OR1C1: variants seen among roughly 807,000 people sequenced by gnomAD.
The protein encoded by OR1C1 is olfactory receptor family 1 subfamily C member 1, also known as olfactory receptor 1C1.
For missense variants in OR1C1, 407 were observed against 384.3 expected (o/e 1.06, Z -0.49); for synonymous variants, 153 against 154.6 (o/e 0.99, Z 0.08).
Position 247,755,790 on chromosome 1 carries a change from G to C in OR1C1, c.*1672C>G, listed in dbSNP as rs1162387029. On this transcript the variant is annotated 3_prime_UTR_variant, in exon 2 of 2. Transcript: ENST00000641256. ...AAAAATAGAACTACTGTACGATCCA[G>C]CAATCACTATTGGGTATACATCCAA... 2 of 152,144 alleles carry C rather than the reference G, an allele frequency of 1.3e-5. No individual in the cohort carries two copies. The highest frequency in any genetic ancestry group is 3.9e-4 in the East Asian group (2 of 5,194). The allele number at this position is 152,144 out of a possible 1,614,324, so 9.4% of individuals were successfully genotyped here. A position where few individuals can be genotyped will look rare whatever the true frequency, so the allele number is the denominator to read the frequency against.
At chr1:247,758,998 A>G (rs1661284735) in intron 1 of OR1C1, among the ~76,000 whole-genome samples, 1 of 151,962 alleles carries the variant, frequency 6.6e-6, no homozygotes, top group African/African-American at 2.4e-5. Context: ...GGAGCCTCTG[A>G]CTTGTGTAGT....
At position 247,755,258 on chromosome 1, in the gene OR1C1, T is replaced by C. The variant is rs1176801134; in HGVS notation, c.*2204A>G. 2 of 152,136 alleles carry C rather than the reference T, an allele frequency of 1.3e-5. No homozygotes were observed. Among genetic ancestry groups the C allele is most frequent in the African/African-American group, 4.8e-5 (2 of 41,454 alleles). The allele number at this position is 152,136 out of a possible 1,614,324, so 9.4% of individuals were successfully genotyped here. A position where few individuals can be genotyped will look rare whatever the true frequency, so the allele number is the denominator to read the frequency against. ...AGCTCTATGACATTGGTATGCATGATAATCTTTTAGATATGACTCCCACAA... is the reference window on the plus strand; with the variant it reads ...AGCTCTATGACATTGGTATGCATGACAATCTTTTAGATATGACTCCCACAA... On this transcript the variant is annotated 3_prime_UTR_variant, in exon 2 of 2. Coordinates refer to ENST00000641256, the MANE Select transcript of OR1C1 (RefSeq NM_012353.3).
Position 247,757,406 on chromosome 1 carries a change from C to T in OR1C1, c.*56G>A. The stretch of plus-strand genomic sequence containing the variant: ...CTCTTCTCACTGTTATTGTGAGCAT[C>T]TAGTCACACTTTCTTATCACCACAT... On this transcript the variant is annotated 3_prime_UTR_variant, in exon 2 of 2. Coordinates refer to ENST00000641256, the MANE Select transcript of OR1C1 (RefSeq NM_012353.3). 1.5e-6 allele frequency: 2 copies of T among 1,323,728 alleles called. No homozygotes were observed. Among genetic ancestry groups the T allele is most frequent in the Non-Finnish European group, 2.1e-6 (2 of 941,838 alleles). 82.0% of individuals were successfully genotyped at this position (1,323,728 alleles called of 1,614,324 possible).
In OR1C1 at chr1:247,757,541, A is replaced by T. The variant is rs761633943; in HGVS notation, c.866T>A (p.Ile289Asn). ...SMVAPMLNPFIYTLRNRDMKR... is the reference protein window; with the variant it reads ...SMVAPMLNPFNYTLRNRDMKR... ...CATATCCCTGTTCCTTAGGGTATAG[A>T]TGAAAGGATTCAGCATCGGAGCCAC... Residue 289 changes from isoleucine to asparagine, a missense_variant, in exon 2 of 2, where the codon ATC (isoleucine) becomes AAC (asparagine). Ile to Asn is a moderately radical substitution (Grantham distance 149, BLOSUM62 -3). Transcript: ENST00000641256. 1.3e-5 allele frequency: 21 copies of T among 1,613,940 alleles called. No individual in the cohort carries two copies. Among genetic ancestry groups the T allele is most frequent in the Non-Finnish European group, 1.8e-5 (21 of 1,180,018 alleles).
rs1661217492 is a variant in OR1C1 at position 247,756,842 on chromosome 1, T to C, written c.*620A>G. The C allele has an allele frequency of 6.6e-6, 1 of 152,346 alleles. No individual in the cohort carries two copies. The highest frequency in any genetic ancestry group is 2.1e-4 in the South Asian group (1 of 4,832). 9.4% of individuals were successfully genotyped at this position (152,346 alleles called of 1,614,324 possible). A position where few individuals can be genotyped will look rare whatever the true frequency, so the allele number is the denominator to read the frequency against. Reference sequence around the variant, plus strand: ...TTGTTGGGGGAGATCAGTTAGCCTCTGCCCTATAAAGATGGCTGGGAGATT... The same window carrying C: ...TTGTTGGGGGAGATCAGTTAGCCTCCGCCCTATAAAGATGGCTGGGAGATT... On this transcript the variant is annotated 3_prime_UTR_variant, in exon 2 of 2. Coordinates refer to ENST00000641256, the MANE Select transcript of OR1C1 (RefSeq NM_012353.3). This position sits in a 1 kb window ranked among gnomAD's most constrained non-coding sequence, Gnocchi z 4.3.
At chr1:247,760,341 A>G (rs1241317684) in intron 1 of OR1C1, 71 bp downstream of exon 1, 2 of 152,198 alleles carry the variant, frequency 1.3e-5, no homozygotes, top group Non-Finnish European at 2.9e-5. Flanking sequence ...ACTTCCATGC[A>G]TTACAACTCA....
rs780826728 is a variant in OR1C1 at position 247,757,982 on chromosome 1, A to G, written c.425T>C (p.Val142Ala). 9 of 1,613,964 alleles carry G rather than the reference A, an allele frequency of 5.6e-6. No individual in the cohort carries two copies. The African/African-American group carries it at 6.7e-5, about 12-fold the overall frequency. The part of the protein sequence containing the change: ...YTARMNLCLC[V>A]QLVAGLWLVT... ...AAGCCACAGTCCAGCCACTAGCTGG[A>G]CACAAAGGCACAGGTTCATTCTGGC... Residue 142 changes from valine (V) to alanine (A), a missense_variant, in exon 2 of 2, where the codon GTC becomes GCC. By Grantham distance (64) the Val-to-Ala change is moderately conservative. Coordinates refer to ENST00000641256, the MANE Select transcript of OR1C1 (RefSeq NM_012353.3).
rs978487990 is a variant in OR1C1, at chr1:247,755,447, A to G, written c.*2015T>C. ...ATATTCAAAGTATATAAGGAGTTCA[A>G]ATAACTCAGTAGCAAAAAACTGCCA... On this transcript the variant is annotated 3_prime_UTR_variant, in exon 2 of 2. Transcript: ENST00000641256. 8 of 152,184 alleles carry G rather than the reference A, an allele frequency of 5.3e-5. No individual in the cohort carries two copies. Among genetic ancestry groups the G allele is most frequent in the African/African-American group, 1.7e-4 (7 of 41,460 alleles). The allele number at this position is 152,184 out of a possible 1,614,324, so 9.4% of individuals were successfully genotyped here.
Position 247,757,614 on chromosome 1 carries a change from G to C in OR1C1, c.793C>G (p.Pro265Ala). ...AIAVYFSPSSPHMPESDTLST... is the reference protein window; with the variant it reads ...AIAVYFSPSSAHMPESDTLST... ...AGAGTGTCGCTCTCAGGCATATGGG[G>C]GGATGAAGGGCTGAAATAGACGGCG... Residue 265 changes from proline (P) to alanine (A), a missense_variant, in exon 2 of 2, where the codon CCC becomes GCC. Transcript: ENST00000641256. 6.2e-7 allele frequency: 1 copy of C among 1,614,056 alleles called. No homozygotes were observed. The highest frequency in any genetic ancestry group is 1.7e-5 in the Admixed American group (1 of 60,000).
rs1461812920 is a variant in OR1C1 at position 247,755,808 on chromosome 1, A to G, written c.*1654T>C. On this transcript the variant is annotated 3_prime_UTR_variant, in exon 2 of 2. Coordinates refer to ENST00000641256, the MANE Select transcript of OR1C1 (RefSeq NM_012353.3). ...CGATCCAGCAATCACTATTGGGTAT[A>G]CATCCAAGAGAAATGAAATCAGTAT... 1 of 152,214 alleles carries G rather than the reference A, an allele frequency of 6.6e-6. No individual in the cohort carries two copies. The highest frequency in any genetic ancestry group is 1.9e-4 in the East Asian group (1 of 5,198). 9.4% of individuals were successfully genotyped at this position (152,214 alleles called of 1,614,324 possible). A position where few individuals can be genotyped will look rare whatever the true frequency, so the allele number is the denominator to read the frequency against.
In OR1C1 at chr1:247,757,823, T is replaced by A; in HGVS notation, c.584A>T (p.Asn195Ile). Residue 195 changes from asparagine (N) to isoleucine (I), a missense_variant, in exon 2 of 2, where the codon AAT (asparagine) becomes ATT (isoleucine). By Grantham distance (149) the Asn-to-Ile change is moderately radical. Coordinates refer to ENST00000641256, the MANE Select transcript of OR1C1 (RefSeq NM_012353.3). ...LQLSCSDVSF[N>I]VMIIFAVGGL... ...TCCTACTGCAAAAATGATCATTACA[T>A]TGAAGGAGACGTCAGAGCAAGAGAG... The A allele has an allele frequency of 6.2e-7, 1 of 1,613,888 alleles. No homozygotes were observed.
chr1:247,756,660 A>G lies in OR1C1; in HGVS notation c.*802T>C, dbSNP rs1030662932. 1 of 152,218 alleles carries G rather than the reference A, an allele frequency of 6.6e-6. No homozygotes were observed. Among genetic ancestry groups the G allele is most frequent in the Non-Finnish European group, 1.5e-5 (1 of 68,026 alleles). 9.4% of individuals were successfully genotyped at this position (152,218 alleles called of 1,614,324 possible). A position where few individuals can be genotyped will look rare whatever the true frequency, so the allele number is the denominator to read the frequency against. On this transcript the variant is annotated 3_prime_UTR_variant, in exon 2 of 2. Transcript: ENST00000641256. This position sits in a 1 kb window ranked among gnomAD's most constrained non-coding sequence, Gnocchi z 4.3. ...AAATATAATTATTTTTGCATACAGT[A>G]TGTTAATTTTTTGTTAGGAAAGCAA...
In OR1C1 at chr1:247,757,688, GT is replaced by G; in HGVS notation, c.718del (p.Thr240ProfsTer46). 6.2e-7 allele frequency: 1 copy of G among 1,614,072 alleles called. No individual in the cohort carries two copies. Among genetic ancestry groups the G allele is most frequent in the Middle Eastern group, 1.6e-4 (1 of 6,062 alleles). ...STQGKQRAVS[T>X]CSCHLSVVVL... ...CACCACTGACAGGTGGCAGCTGCAG[GT>G]GGAAACAGCTCTCTGCTTGCCCTGA... On this transcript the variant is annotated frameshift_variant, in exon 2 of 2. Transcript: ENST00000641256. LOFTEE classifies it low-confidence loss of function (END_TRUNC).
rs377589724 is a variant in OR1C1, at chr1:247,757,618, T to A, written c.789A>T (p.Ser263=). Residue 263 remains serine, a synonymous_variant, in exon 2 of 2, where the codon TCA becomes TCT. Coordinates refer to ENST00000641256, the MANE Select transcript of OR1C1 (RefSeq NM_012353.3). The part of the protein sequence containing the change: ...GTAIAVYFSP[S]SPHMPESDTL... ...TGTCGCTCTCAGGCATATGGGGGGA[T>A]GAAGGGCTGAAATAGACGGCGATGG... The A allele has an allele frequency of 6.2e-7, 1 of 1,613,870 alleles. No individual in the cohort carries two copies. The highest frequency in any genetic ancestry group is 8.5e-7 in the Non-Finnish European group (1 of 1,180,004).
rs750536036 is a variant in OR1C1, at chr1:247,757,787, G to A, written c.620C>T (p.Ala207Val). 8.7e-6 allele frequency: 14 copies of A among 1,613,988 alleles called. No homozygotes were observed. In the South Asian group the frequency reaches 1.5e-4, roughly 18 times the overall value. The change falls in exon 2 of 2, where the codon GCT becomes GTT. Residue 207 changes from alanine to valine, a missense_variant. Coordinates refer to ENST00000641256, the MANE Select transcript of OR1C1 (RefSeq NM_012353.3). ...GAGGATACAGACAAGGGGCGTGAGA[G>A]CCAATAGACCTCCTACTGCAAAAAT... Reference protein sequence around the residue: ...MIIFAVGGLLALTPLVCILVS... With the variant: ...MIIFAVGGLLVLTPLVCILVS...
intron 1 of OR1C1, among the ~76,000 whole-genome samples, chr1:247,759,378 A>G (rs1661290852): frequency 6.6e-6 from 1 of 152,110 alleles, no homozygotes; most frequent in Non-Finnish European, 1.5e-5. Context: ...ACTGAAGCAA[A>G]ATTTGTGATA....
Position 247,757,802 on chromosome 1 carries a change from A to G in OR1C1, c.605T>C (p.Val202Ala), listed in dbSNP as rs749012743. 6.8e-6 allele frequency: 11 copies of G among 1,613,794 alleles called. No individual in the cohort carries two copies. The highest frequency in any genetic ancestry group is 1.1e-5 in the South Asian group (1 of 91,068). ...GGGCGTGAGAGCCAATAGACCTCCT[A>G]CTGCAAAAATGATCATTACATTGAA... ...VSFNVMIIFA[V>A]GGLLALTPLV... The change falls in exon 2 of 2, where the codon GTA (valine) becomes GCA (alanine). Residue 202 changes from valine to alanine, a missense_variant. By Grantham distance (64) the Val-to-Ala change is moderately conservative. Transcript: ENST00000641256.
At position 247,757,876 on chromosome 1, in the gene OR1C1, G is replaced by C. The variant is rs1287953004; in HGVS notation, c.531C>G (p.Phe177Leu). The part of the protein sequence containing the change: ...SFCASNIIHH[F>L]FCDLNPLLQL... ...GCAGGAGAGGATTGAGATCACAGAA[G>C]AAATGATGGATGATATTGGAGGCAC... Residue 177 changes from phenylalanine to leucine, a missense_variant, in exon 2 of 2, where the codon TTC becomes TTG. Physicochemically the swap from Phe to Leu is conservative, Grantham distance 22 (BLOSUM62 0). Coordinates refer to ENST00000641256, the MANE Select transcript of OR1C1 (RefSeq NM_012353.3). The C allele has an allele frequency of 1.2e-6, 2 of 1,613,966 alleles. No individual in the cohort carries two copies. Among genetic ancestry groups the C allele is most frequent in the African/African-American group, 2.7e-5 (2 of 74,930 alleles).
intron 1 of OR1C1, among the ~76,000 whole-genome samples, chr1:247,759,994 C>A (rs770363494): frequency 6.6e-6 from 1 of 152,178 alleles, no homozygotes; most frequent in Non-Finnish European, 1.5e-5. Context: ...CCTTTCATGA[C>A]AAGCATAACA....
Sources: gnomAD v4.1 joint callset for allele counts (sites outside exome capture counted in the v4.1 genomes callset) on GRCh38, gnomAD v4.1.1 for gene constraint, Gnocchi (gnomAD v3.1) non-coding constraint, MANE v1.5 for transcripts, NCBI Gene and HGNC (gene_info 2026-07-23, HGNC 2026-07-21) for gene names.